GHSR: variants seen among roughly 807,000 people sequenced by gnomAD.
The protein encoded by GHSR is growth hormone secretagogue receptor, also known as growth hormone secretagogue receptor type 1.
A neutral mutation model predicts 24.0 loss-of-function variants in GHSR; 17 were observed. The ratio of observed to expected loss-of-function variants is 0.71; its 90% CI spans 0.49 to 1.06. The LOEUF is 1.06. GHSR is among the 50% of genes least tolerant of loss of function. GHSR has a pLI of 0.00. For missense variants in GHSR, 504 were observed against 483.1 expected, an observed-to-expected ratio of 1.04 and a Z score of -0.41; for synonymous variants, 238 against 208.1, an observed-to-expected ratio of 1.14 and a Z score of -1.24.
chr3:172,447,012 G>A (rs989924300), intron 1 of GHSR, among the ~76,000 whole-genome samples: 2 of 152,148 alleles, frequency 1.3e-5, no homozygotes, highest in African/African-American at 4.8e-5. Flanking sequence ...AAAATGCAGG[G>A]CAGAAAACAA....
In GHSR at chr3:172,444,075, A is replaced by C. The variant is rs906051136; in HGVS notation, c.*1086T>G. On this transcript the variant is annotated 3_prime_UTR_variant, in exon 2 of 2. Coordinates refer to ENST00000241256, the MANE Select transcript of GHSR (RefSeq NM_198407.2). ...TTCAAAATTTTTGTTAAGCCATATG[A>C]GGCAGTTTGTGATTACCCATAATTG... Among the ~76,000 whole-genome samples, 1 of 152,184 alleles carries C rather than the reference A, an allele frequency of 6.6e-6. No homozygotes were observed. The highest frequency in any genetic ancestry group is 1.5e-5 in the Non-Finnish European group (1 of 68,006).
chr3:172,447,920 A>C lies in GHSR; in HGVS notation c.494T>G (p.Phe165Cys). The C allele has an allele frequency of 3.7e-6, 6 of 1,612,728 alleles. No individual in the cohort carries two copies. The highest frequency in any genetic ancestry group is 5.1e-6 in the Non-Finnish European group (6 of 1,178,790). Residue 165 changes from phenylalanine to cysteine, a missense_variant, in exon 1 of 2, where the codon TTC becomes TGC. Coordinates refer to ENST00000241256, the MANE Select transcript of GHSR (RefSeq NM_198407.2). ...GCAGAAGGCCACGGCCCAGATGACG[A>C]AGATGACCAGCTTCACCCGCCCCTT... ...VTKGRVKLVIFVIWAVAFCSA... is the reference protein window; with the variant it reads ...VTKGRVKLVICVIWAVAFCSA...
chr3:172,447,375 A>C, intron 1 of GHSR: 1 of 356,870 alleles, frequency 2.8e-6, no homozygotes, highest in Non-Finnish European at 3.7e-6. Flanking sequence ...ACACTGACAA[A>C]GTAAAGGGGG....
At chr3:172,445,913 G>T (rs1368380782) in intron 1 of GHSR, among the ~76,000 whole-genome samples, 1 of 151,960 alleles carries the variant, frequency 6.6e-6, no homozygotes, top group Non-Finnish European at 1.5e-5. Flanking sequence ...CTCTAAGAGG[G>T]CGATCAGGAC....
In GHSR at chr3:172,444,051, TC is replaced by T. The variant is rs1737398861; in HGVS notation, c.*1109del. Among the ~76,000 whole-genome samples, 1 of 152,168 alleles carries T rather than the reference TC, an allele frequency of 6.6e-6. No homozygotes were observed. The highest frequency in any genetic ancestry group is 1.5e-5 in the Non-Finnish European group (1 of 67,998). On this transcript the variant is annotated 3_prime_UTR_variant, in exon 2 of 2. Transcript: ENST00000241256. ...ACAAATCGAAGCCTTATAATTGACT[TC>T]AAAATTTTTGTTAAGCCATATGAGG...
Position 172,447,861 on chromosome 3 carries a change from C to T in GHSR, c.553G>A (p.Glu185Lys). 1 of 1,614,012 alleles carries T rather than the reference C, an allele frequency of 6.2e-7. No individual in the cohort carries two copies. The highest frequency in any genetic ancestry group is 8.5e-7 in the Non-Finnish European group (1 of 1,180,010). The change falls in exon 1 of 2, where the codon GAG (glutamate) becomes AAG (lysine). Residue 185 changes from glutamate to lysine, a missense_variant. By Grantham distance (56) the Glu-to-Lys change is moderately conservative. Transcript: ENST00000241256. ...AGPIFVLVGV[E>K]HENGTDPWDT... ...CAAGGGTCGGTGCCGTTCTCGTGCT[C>T]CACCCCGACTAGCACGAAGATGGGC... is the stretch of plus-strand genomic sequence containing the variant.
At chr3:172,447,527 G>T in intron 1 of GHSR, 91 bp downstream of exon 1, 1 of 1,565,622 alleles carries the variant, frequency 6.4e-7, no homozygotes, top group Non-Finnish European at 8.7e-7. Flanking sequence ...GACTCAGGGG[G>T]AAATAGAGAT....
rs1737394814 is a variant in GHSR at position 172,443,805 on chromosome 3, T to C, written c.*1356A>G. Among the ~76,000 whole-genome samples, 1 of 152,122 alleles carries C rather than the reference T, an allele frequency of 6.6e-6. No individual in the cohort carries two copies. The highest frequency in any genetic ancestry group is 2.4e-5 in the African/African-American group (1 of 41,426). On this transcript the variant is annotated 3_prime_UTR_variant, in exon 2 of 2. Coordinates refer to ENST00000241256, the MANE Select transcript of GHSR (RefSeq NM_198407.2). ...GTAATCATATCTATCAGATAAGCAA[T>C]GGGATATAAGCAGCAAAACTAATTT...
intron 1 of GHSR, among the ~76,000 whole-genome samples, chr3:172,445,688 T>A (rs1483220626): frequency 6.6e-6 from 1 of 152,238 alleles, no homozygotes; most frequent in Non-Finnish European, 1.5e-5. Flanking sequence ...ATTTAACAAC[T>A]ATCTGAGTGA....
At chr3:172,446,701 T>A (rs1439603222) in intron 1 of GHSR, among the ~76,000 whole-genome samples, 1 of 152,202 alleles carries the variant, frequency 6.6e-6, no homozygotes, top group Admixed American at 6.5e-5. Flanking sequence ...ACCAAACACA[T>A]ATACTTAAAG....
rs1251919756 is a variant in GHSR at position 172,444,192 on chromosome 3, A to G, written c.*969T>C. ...CACATTTCATATTCATTCTCTTCTG[A>G]GCATACAGAACAGGACATTTAGGTG... On this transcript the variant is annotated 3_prime_UTR_variant, in exon 2 of 2. Coordinates refer to ENST00000241256, the MANE Select transcript of GHSR (RefSeq NM_198407.2). 6.6e-6 allele frequency among the ~76,000 whole-genome samples: 1 copy of G among 152,176 alleles called. No individual in the cohort carries two copies. Among genetic ancestry groups the G allele is most frequent in the Admixed American group, 6.5e-5 (1 of 15,282 alleles).
At position 172,447,923 on chromosome 3, in the gene GHSR, A is replaced by G; in HGVS notation, c.491T>C (p.Ile164Thr). 1 of 1,612,760 alleles carries G rather than the reference A, an allele frequency of 6.2e-7. No individual in the cohort carries two copies. Among genetic ancestry groups the G allele is most frequent in the Non-Finnish European group, 8.5e-7 (1 of 1,178,822 alleles). ...GAAGGCCACGGCCCAGATGACGAAGATGACCAGCTTCACCCGCCCCTTGGT... is the reference window on the plus strand; with the variant it reads ...GAAGGCCACGGCCCAGATGACGAAGGTGACCAGCTTCACCCGCCCCTTGGT... The part of the protein sequence containing the change: ...VVTKGRVKLV[I>T]FVIWAVAFCS... Residue 164 changes from isoleucine to threonine, a missense_variant, in exon 1 of 2, where the codon ATC (isoleucine) becomes ACC (threonine). Transcript: ENST00000241256.
At chr3:172,446,218 CA>C (rs1308891461) in intron 1 of GHSR, among the ~76,000 whole-genome samples, 3 of 152,026 alleles carry the variant, frequency 2.0e-5, no homozygotes, top group African/African-American at 7.2e-5. Flanking sequence ...TTCAAATTGT[CA>C]AGGAAGAAGA....
chr3:172,447,622 C>A lies in GHSR; in HGVS notation c.792G>T (p.Met264Ile), dbSNP rs769797070. Residue 264 changes from methionine (M) to isoleucine (I), a missense_variant, in exon 1 of 2, where the codon ATG (methionine) becomes ATT (isoleucine). Coordinates refer to ENST00000241256, the MANE Select transcript of GHSR (RefSeq NM_198407.2). ...RDQNHKQTVK[M>I]LAVVVFAFIL... ...TGAGCGCGCGCTGAGACCCACCCAG[C>A]ATTTTCACGGTTTGCTTGTGGTTCT... The A allele has an allele frequency of 6.8e-6, 11 of 1,613,828 alleles. No individual in the cohort carries two copies. The East Asian group carries it at 2.2e-4, about 33-fold the overall frequency.
In GHSR at chr3:172,444,456, C is replaced by T. The variant is rs1737412211; in HGVS notation, c.*705G>A. On this transcript the variant is annotated 3_prime_UTR_variant, in exon 2 of 2. Coordinates refer to ENST00000241256, the MANE Select transcript of GHSR (RefSeq NM_198407.2). ...ATTAATTTTAAGTTTAAAGGTTTAC[C>T]GTTGTTTCAGTTACTGGAAAACTTT... Among the ~76,000 whole-genome samples, 2 of 151,938 alleles carry T rather than the reference C, an allele frequency of 1.3e-5. No homozygotes were observed. The highest frequency in any genetic ancestry group is 6.6e-5 in the Admixed American group (1 of 15,252).
Position 172,444,911 on chromosome 3 carries a change from C to T in GHSR, c.*250G>A, listed in dbSNP as rs543222612. Among the ~76,000 whole-genome samples, 4 of 152,276 alleles carry T rather than the reference C, an allele frequency of 2.6e-5. No homozygotes were observed. In the East Asian group the frequency reaches 7.7e-4, roughly 29 times the overall value. On this transcript the variant is annotated 3_prime_UTR_variant, in exon 2 of 2. Coordinates refer to ENST00000241256, the MANE Select transcript of GHSR (RefSeq NM_198407.2). The stretch of plus-strand genomic sequence containing the variant: ...CTTTCTCTGAATTGCAAAGCCCTCA[C>T]CAGCACCCGCAGCAGAATGCAAAAT...
At chr3:172,446,877 G>A (rs539173660) in intron 1 of GHSR, among the ~76,000 whole-genome samples, 2 of 152,258 alleles carry the variant, frequency 1.3e-5, no homozygotes, top group South Asian at 4.1e-4. Context: ...CCTTATCCTA[G>A]TCTATCCTAC....
Position 172,445,040 on chromosome 3 carries a change from A to T in GHSR, c.*121T>A. ...AAATGATATCTTTTTTCCCTCCCAG[A>T]TGTTTCTGGATCTATGTGTTCCTAA... On this transcript the variant is annotated 3_prime_UTR_variant, in exon 2 of 2. Coordinates refer to ENST00000241256, the MANE Select transcript of GHSR (RefSeq NM_198407.2). The T allele has an allele frequency of 9.2e-7, 1 of 1,090,128 alleles. No homozygotes were observed. The highest frequency in any genetic ancestry group is 1.4e-6 in the Non-Finnish European group (1 of 720,944). 67.5% of individuals were successfully genotyped at this position (1,090,128 alleles called of 1,614,324 possible).
chr3:172,445,290 G>A lies in GHSR; in HGVS notation c.972C>T (p.Asn324=), dbSNP rs758019664. 1 of 1,614,198 alleles carries A rather than the reference G, an allele frequency of 6.2e-7. No individual in the cohort carries two copies. The highest frequency in any genetic ancestry group is 2.2e-5 in the East Asian group (1 of 44,884). ...CCACCCGGTACTTCTTGGACATGAT[G>A]TTGTACAGAATGGGGTTGATGGCAG... ...LSAAINPILY[N]IMSKKYRVAV... is the part of the protein sequence containing the mutation. The change falls in exon 2 of 2, where the codon AAC becomes AAT. Residue 324 remains asparagine, a synonymous_variant. Transcript: ENST00000241256.
Sources: allele counts gnomAD v4.1 joint callset (sites outside exome capture counted in the v4.1 genomes callset), GRCh38; gene constraint gnomAD v4.1.1; transcripts MANE v1.5; gene names NCBI Gene and HGNC (gene_info 2026-07-23, HGNC 2026-07-21).